The following CLNK variants were observed in gnomAD, a reference collection of about 807,000 sequenced individuals.
CLNK encodes cytokine dependent hematopoietic cell linker, also known as cytokine-dependent hematopoietic cell linker.
A neutral mutation model predicts 68.6 loss-of-function variants in CLNK; 74 were observed. The observed-to-expected ratio is 1.08, with a 90% CI of 0.89 to 1.31. The LOEUF is 1.31. Among genes scored for constraint, CLNK ranks in the 50% most tolerant of loss-of-function variants. CLNK has a pLI of 0.00. For missense variants in CLNK, 553 were observed against 515.3 expected, an observed-to-expected ratio of 1.07 and a Z score of -0.71; for synonymous variants, 198 against 172.2, an observed-to-expected ratio of 1.15 and a Z score of -1.17.
At chr4:10,506,638 C>G (rs530599231) in intron 17 of CLNK, among the ~76,000 whole-genome samples, 3 of 152,110 alleles carry the variant, frequency 2.0e-5, no homozygotes, top group Non-Finnish European at 4.4e-5. Context: ...ATTGTGACCT[C>G]TATAGTCCAG....
Position 10,609,430 on chromosome 4 carries a change from G to T in CLNK, c.12-11381C>A, listed in dbSNP as rs1305606116. The stretch of plus-strand genomic sequence containing the variant: ...CTAGCTTCTTCTGACTCACAGTAAG[G>T]CCCTCGGTTCTCCATTGAAATGGAT... On this transcript the variant is annotated intron_variant, in intron 2 of 18. Coordinates refer to ENST00000226951, the MANE Select transcript of CLNK (RefSeq NM_052964.4). 2.0e-5 allele frequency among the ~76,000 whole-genome samples: 3 copies of T among 152,296 alleles called. No homozygotes were observed. In the East Asian group the frequency reaches 5.8e-4, roughly 29 times the overall value.
chr4:10,644,723 A>G (rs1461734623), intron 2 of CLNK, among the ~76,000 whole-genome samples: 1 of 152,248 alleles, frequency 6.6e-6, no homozygotes, highest in East Asian at 1.9e-4. Flanking sequence ...AAATTTTAAA[A>G]CAAAAACAGG....
intron 2 of CLNK, among the ~76,000 whole-genome samples, chr4:10,655,949 G>T (rs184883006): frequency 6.6e-6 from 1 of 151,936 alleles, no homozygotes; most frequent in African/African-American, 2.4e-5. Flanking sequence ...GCGCCCGGCC[G>T]ATAGCATTTT....
At chr4:10,530,808 G>A (rs1718504033) in intron 12 of CLNK, among the ~76,000 whole-genome samples, 1 of 152,140 alleles carries the variant, frequency 6.6e-6, no homozygotes, top group Non-Finnish European at 1.5e-5. Flanking sequence ...TTGGATGTGT[G>A]GGTTCCCCCA....
chr4:10,604,912 CT>C (rs1721729637), intron 2 of CLNK, among the ~76,000 whole-genome samples: 1 of 152,162 alleles, frequency 6.6e-6, no homozygotes, highest in South Asian at 2.1e-4. Flanking sequence ...GAAGCTATTT[CT>C]TAGATGTGAT....
At chr4:10,598,667 T>C (rs1411505055) in intron 2 of CLNK, 1 of 446,788 alleles carries the variant, frequency 2.2e-6, no homozygotes, top group Non-Finnish European at 4.5e-6. Context: ...ATTGAGTTAA[T>C]TTGCTAACAT....
intron 3 of CLNK, among the ~76,000 whole-genome samples, chr4:10,587,521 G>A (rs572501060): frequency 1.3e-5 from 2 of 152,286 alleles, no homozygotes; most frequent in Admixed American, 1.3e-4. Context: ...CACGCCAGGT[G>A]TAAATATTTA....
chr4:10,552,457 G>T (rs190782150), intron 8 of CLNK, among the ~76,000 whole-genome samples: 77 of 152,226 alleles, frequency 5.1e-4, no homozygotes, highest in African/African-American at 1.7e-3. Context: ...CACCACTATT[G>T]TAGATCGGCC....
In CLNK at chr4:10,490,341, G is replaced by T; in HGVS notation, c.*126C>A. ...GAGTGATTTTCCACTCTCTGTTATA[G>T]AGTGTTTTTCTTTTCTCCAAAGTTA... On this transcript the variant is annotated 3_prime_UTR_variant, in exon 19 of 19. Transcript: ENST00000226951. 2 of 934,480 alleles carry T rather than the reference G, an allele frequency of 2.1e-6. No individual in the cohort carries two copies. Among genetic ancestry groups the T allele is most frequent in the South Asian group, 2.0e-5 (1 of 51,006 alleles). The allele number at this position is 934,480 out of a possible 1,614,324, so 57.9% of individuals were successfully genotyped here.
intron 1 of CLNK, among the ~76,000 whole-genome samples, chr4:10,683,047 C>A (rs1393234519): frequency 1.3e-5 from 2 of 152,022 alleles, no homozygotes; most frequent in Non-Finnish European, 2.9e-5. Flanking sequence ...TAAGAATGCA[C>A]CATATTTCAC....
intron 2 of CLNK, among the ~76,000 whole-genome samples, chr4:10,616,385 T>C (rs1486736499): frequency 1.3e-5 from 2 of 152,346 alleles, no homozygotes. Context: ...CAGTATGCTG[T>C]GTCAATATCT....
intron 8 of CLNK, among the ~76,000 whole-genome samples, chr4:10,558,188 T>A (rs1383211766): frequency 6.6e-6 from 1 of 152,184 alleles, no homozygotes; most frequent in Non-Finnish European, 1.5e-5. Context: ...AGAATACGAA[T>A]TTTTACAATC....
chr4:10,593,345 C>T lies in CLNK; in HGVS notation c.83+4633G>A, dbSNP rs551290100. Among the ~76,000 whole-genome samples, 5 of 152,132 alleles carry T rather than the reference C, an allele frequency of 3.3e-5. No homozygotes were observed. The East Asian group carries it at 7.8e-4, about 24-fold the overall frequency. On this transcript the variant is annotated intron_variant, in intron 3 of 18. Transcript: ENST00000226951. ...CTGAAGGGACCCAGTAGAGGGCCTC[C>T]TAATTCATGGAATAGAGGAGGACTC...
intron 2 of CLNK, among the ~76,000 whole-genome samples, chr4:10,661,711 AT>A (rs997723111): frequency 5.3e-5 from 8 of 152,196 alleles, no homozygotes; most frequent in African/African-American, 1.9e-4. Context: ...AAATATCACT[AT>A]TTTTGCTTAG....
chr4:10,679,741 A>T (rs561282698), intron 1 of CLNK, among the ~76,000 whole-genome samples: 51 of 152,354 alleles, frequency 3.3e-4, no homozygotes, highest in African/African-American at 1.2e-3. Context: ...GAAGACATTT[A>T]TGCAGCCAAA....
chr4:10,616,294 G>A (rs1323281127), intron 2 of CLNK, among the ~76,000 whole-genome samples: 20 of 152,118 alleles, frequency 1.3e-4, no homozygotes, highest in Non-Finnish European at 2.5e-4. Context: ...GCTACAAATC[G>A]GGGTTTAGTT....
chr4:10,536,729 G>A (rs1234024486), intron 11 of CLNK, among the ~76,000 whole-genome samples: 1 of 152,130 alleles, frequency 6.6e-6, no homozygotes, highest in Non-Finnish European at 1.5e-5. Context: ...TTACTCTCTT[G>A]AGGTGTTTTG....
chr4:10,571,899 T>G (rs1473720362), intron 4 of CLNK, 121 bp from the exon 5 acceptor site: 14 of 743,072 alleles, frequency 1.9e-5, no homozygotes, highest in Non-Finnish European at 3.1e-5. Flanking sequence ...TTACCTTGAT[T>G]GTGATTTTTC....
At position 10,646,293 on chromosome 4, in the gene CLNK, C is replaced by T. The variant is rs530324949; in HGVS notation, c.11+21566G>A. On this transcript the variant is annotated intron_variant, in intron 2 of 18. Transcript: ENST00000226951. ...CTAATTTCATTTCCATTAACTTGAA[C>T]GCTTCTTTTAAATAAAACACAACCC... is the stretch of plus-strand genomic sequence containing the variant. Among the ~76,000 whole-genome samples the T allele has an allele frequency of 1.8e-4, 28 of 152,194 alleles. 1 individual carries two copies. The highest frequency in any genetic ancestry group is 1.5e-3 in the South Asian group (7 of 4,816).
Sources: gnomAD v4.1 joint callset for allele counts (sites outside exome capture counted in the v4.1 genomes callset) on GRCh38, gnomAD v4.1.1 for gene constraint, MANE v1.5 for transcripts, NCBI Gene and HGNC (gene_info 2026-07-23, HGNC 2026-07-21) for gene names.